The following NCAPH2 variants were observed in gnomAD, a reference collection of about 807,000 sequenced individuals.
NCAPH2 encodes the protein non-SMC condensin II complex subunit H2.
A neutral mutation model predicts 88.6 loss-of-function variants in NCAPH2; 56 were observed. That is an observed-to-expected ratio of 0.63 (90% confidence interval 0.51 to 0.79). The LOEUF (loss-of-function observed/expected upper bound fraction) is 0.79, where lower values mean the gene tolerates loss of function less well. Ranked by LOEUF, NCAPH2 falls within the 30% of genes least tolerant of loss-of-function variation. The pLI is 0.00. For missense variants in NCAPH2, 794 were observed against 792.0 expected, an observed-to-expected ratio of 1.00 and a Z score of -0.03; for synonymous variants, 378 against 313.6, an observed-to-expected ratio of 1.21 and a Z score of -2.17.
chr22:50,516,043 T>G (rs770114808), intron 1 of NCAPH2, among the ~76,000 whole-genome samples: 5 of 152,132 alleles, frequency 3.3e-5, no homozygotes, highest in Non-Finnish European at 7.4e-5. Flanking sequence ...TGTAACTGTT[T>G]CCTGAGTTCT....
Position 50,523,028 on chromosome 22 carries a change from G to T in NCAPH2, c.1539G>T (p.Val513=). The T allele has an allele frequency of 1.2e-6, 2 of 1,601,342 alleles. No homozygotes were observed. The highest frequency in any genetic ancestry group is 8.5e-7 in the Non-Finnish European group (1 of 1,171,724). ...CCTCCCCTGTGCAGGAGCAGCATGT[G>T]CCCTTTGACATCCACACCTATGGGG... ...QPLLQEQEQH[V]PFDIHTYGDQ... The change falls in exon 19 of 20, where the codon GTG becomes GTT. Residue 513 remains valine (V), a synonymous_variant. Transcript: ENST00000420993.
Position 50,508,418 on chromosome 22 carries a change from G to A in NCAPH2, c.81G>A (p.Ala27=). 6 of 1,464,654 alleles carry A rather than the reference G, an allele frequency of 4.1e-6. No individual in the cohort carries two copies. Among genetic ancestry groups the A allele is most frequent in the Non-Finnish European group, 5.4e-6 (6 of 1,108,554 alleles). 90.7% of individuals were successfully genotyped at this position (1,464,654 alleles called of 1,614,324 possible). ...CCAAGAACTGGGAGGTGGACGTGGC[G>A]GCCCAGCTGGGCGAGTATCTGGAGG... ...DLTKNWEVDV[A]AQLGEYLEEL... Residue 27 remains alanine (A), a synonymous_variant, in exon 1 of 20, where the codon GCG becomes GCA. Coordinates refer to ENST00000420993, the MANE Select transcript of NCAPH2 (RefSeq NM_152299.4).
At chr22:50,517,036 C>T (rs568469770) in intron 2 of NCAPH2, among the ~76,000 whole-genome samples, 46 of 152,252 alleles carry the variant, frequency 3.0e-4, no homozygotes, top group Non-Finnish European at 4.0e-4. Flanking sequence ...GTGATGCTGG[C>T]GGGAGCACAC....
In NCAPH2 at chr22:50,522,333, C is replaced by T. The variant is rs1398022670; in HGVS notation, c.1234-10C>T. On this transcript the variant is annotated splice_polypyrimidine_tract_variant and intron_variant, in intron 14 of 19. Transcript: ENST00000420993. The stretch of plus-strand genomic sequence containing the variant: ...TGACAGTGCCCCTCACAGATGCTTT[C>T]TCTGGACAGGTGGCTGAGCAGTGGC... 4.4e-6 allele frequency: 7 copies of T among 1,603,936 alleles called. No individual in the cohort carries two copies. The highest frequency in any genetic ancestry group is 6.0e-6 in the Non-Finnish European group (7 of 1,174,270).
chr22:50,521,258 C>T (rs1239365339), intron 10 of NCAPH2, among the ~76,000 whole-genome samples: 1 of 152,126 alleles, frequency 6.6e-6, no homozygotes, highest in Admixed American at 6.5e-5. Flanking sequence ...GGCTCTGCCC[C>T]AGGCTGTCAC....
At chr22:50,521,152 C>CT in intron 10 of NCAPH2, 116 bp downstream of exon 10, 1 of 1,213,532 alleles carries the variant, frequency 8.2e-7, no homozygotes, top group Non-Finnish European at 1.1e-6. Context: ...GCCTGTGGCC[C>CT]TTTGCACTTG....
At position 50,524,205 on chromosome 22, in the gene NCAPH2, A is replaced by G; in HGVS notation, c.*830A>G. The G allele has an allele frequency of 1.2e-6, 2 of 1,608,306 alleles. No homozygotes were observed. The highest frequency in any genetic ancestry group is 8.5e-7 in the Non-Finnish European group (1 of 1,179,882). On this transcript the variant is annotated 3_prime_UTR_variant, in exon 20 of 20. Transcript: ENST00000420993. The stretch of plus-strand genomic sequence containing the variant: ...GGGCCAGCCAGGCCCCACCGAGTCC[A>G]GCCCCGAACAGGCCTGTGATCAGCA...
chr22:50,517,206 A>G (rs987321261), intron 2 of NCAPH2, among the ~76,000 whole-genome samples: 1 of 152,236 alleles, frequency 6.6e-6, no homozygotes, highest in African/African-American at 2.4e-5. Context: ...TGGACCATAG[A>G]GGGCAGAGGA....
chr22:50,522,236 G>A lies in NCAPH2; in HGVS notation c.1218G>A (p.Lys406=). 6.2e-7 allele frequency: 1 copy of A among 1,613,828 alleles called. No individual in the cohort carries two copies. The highest frequency in any genetic ancestry group is 1.1e-5 in the South Asian group (1 of 91,020). The change falls in exon 14 of 20, where the codon AAG becomes AAA. Residue 406 remains lysine (K), a synonymous_variant. Coordinates refer to ENST00000420993, the MANE Select transcript of NCAPH2 (RefSeq NM_152299.4). ...AGGAGCAGTTGGAAACTCTCCGGAA[G>A]CTGCAGAGGAGGGAGGCAAGTCCCA... ...HVKEQLETLR[K]LQRREVAEQW...
At chr22:50,511,280 A>C (rs1263712573) in intron 1 of NCAPH2, among the ~76,000 whole-genome samples, 2 of 139,404 alleles carry the variant, frequency 1.4e-5, no homozygotes, top group Middle Eastern at 3.5e-3. Context: ...CTCCTGCCTC[A>C]GCCTCTTTTT....
chr22:50,510,513 C>T (rs571122350), intron 1 of NCAPH2, among the ~76,000 whole-genome samples: 5 of 151,370 alleles, frequency 3.3e-5, no homozygotes, highest in South Asian at 4.2e-4. Context: ...CTGCAACCTC[C>T]GACTCCCAGG....
rs553004436 is a variant in NCAPH2, at chr22:50,512,022, G to A, written c.108+3577G>A. Among the ~76,000 whole-genome samples, 309 of 152,238 alleles carry A rather than the reference G, an allele frequency of 2.0e-3. 3 individuals carry two copies. Among genetic ancestry groups the A allele is most frequent in the African/African-American group, 7.4e-3 (307 of 41,518 alleles). The stretch of plus-strand genomic sequence containing the variant: ...AGGCTGGTCTTGAACTCTTGACCTC[G>A]TGATCCGCCCACCTCATCCTTTGAA... On this transcript the variant is annotated intron_variant, in intron 1 of 19. Transcript: ENST00000420993.
Position 50,508,308 on chromosome 22 carries a change from G to A in NCAPH2, c.-30G>A. On this transcript the variant is annotated 5_prime_UTR_variant, in exon 1 of 20. Coordinates refer to ENST00000420993, the MANE Select transcript of NCAPH2 (RefSeq NM_152299.4). ...CGTACCCCTCGGAAGGCAGCCCTGC[G>A]GTCCCTTTGCCGCCCGTTCCCTCCC... 6 of 1,458,204 alleles carry A rather than the reference G, an allele frequency of 4.1e-6. No individual in the cohort carries two copies. Among genetic ancestry groups the A allele is most frequent in the Non-Finnish European group, 5.4e-6 (6 of 1,103,374 alleles). The allele number at this position is 1,458,204 out of a possible 1,614,324, so 90.3% of individuals were successfully genotyped here. A position where few individuals can be genotyped will look rare whatever the true frequency, so the allele number is the denominator to read the frequency against.
Position 50,516,567 on chromosome 22 carries a change from T to C in NCAPH2, c.210+19T>C, listed in dbSNP as rs2068929731. 1.2e-6 allele frequency: 2 copies of C among 1,611,684 alleles called. No homozygotes were observed. Among genetic ancestry groups the C allele is most frequent in the Non-Finnish European group, 1.7e-6 (2 of 1,178,014 alleles). On this transcript the variant is annotated intron_variant, in intron 2 of 19. Coordinates refer to ENST00000420993, the MANE Select transcript of NCAPH2 (RefSeq NM_152299.4). ...TAAGAAGGTGGGCCCTGCTTGACGC[T>C]GGTCTTGGCATTTTGGTGGCCAGTG... is the stretch of plus-strand genomic sequence containing the variant.
intron 14 of NCAPH2, 24 bp from the exon 15 acceptor site, chr22:50,522,319 C>A (rs1177777828): frequency 6.2e-7 from 1 of 1,603,418 alleles, no homozygotes; most frequent in Non-Finnish European, 8.5e-7. Context: ...GACAGTGCCC[C>A]TCACAGATGC....
Position 50,521,174 on chromosome 22 carries a change from A to C in NCAPH2, c.933+138A>C, listed in dbSNP as rs1473219691. ...GCCCTTTGCACTTGCTCTCTTAAAG[A>C]CCCCCTCATGCGACTCTGGGCTCCC... On this transcript the variant is annotated intron_variant, in intron 10 of 19. Transcript: ENST00000420993. The C allele has an allele frequency of 1.0e-5, 10 of 959,656 alleles. No homozygotes were observed. The East Asian group carries it at 2.4e-4, about 23-fold the overall frequency. The allele number at this position is 959,656 out of a possible 1,614,324, so 59.4% of individuals were successfully genotyped here.
In NCAPH2 at chr22:50,522,582, C is replaced by G; in HGVS notation, c.1375+13C>G. 9 of 1,613,512 alleles carry G rather than the reference C, an allele frequency of 5.6e-6. No individual in the cohort carries two copies. Among genetic ancestry groups the G allele is most frequent in the South Asian group, 1.1e-5 (1 of 91,076 alleles). ...GCCGCTGACCTTGGTAGGTGGGCAG[C>G]GGGCTAGGAGTGCTGAGGGGCCACT... is the stretch of plus-strand genomic sequence containing the variant. On this transcript the variant is annotated intron_variant, in intron 16 of 19. Transcript: ENST00000420993.
chr22:50,511,359 G>C (rs1389437938), intron 1 of NCAPH2, among the ~76,000 whole-genome samples: 2 of 132,824 alleles, frequency 1.5e-5, no homozygotes, highest in Non-Finnish European at 3.1e-5. Flanking sequence ...GTGCAATCTC[G>C]GCTCACTGCA....
intron 1 of NCAPH2, among the ~76,000 whole-genome samples, chr22:50,510,850 AT>A (rs372833039): frequency 0.047 from 6,699 of 142,498 alleles, 176 homozygotes; most frequent in Middle Eastern, 0.12. Context: ...AACCATTTAA[AT>A]TTTTTTTTTT....
Sources: allele counts gnomAD v4.1 joint callset (sites outside exome capture counted in the v4.1 genomes callset), GRCh38; gene constraint gnomAD v4.1.1; transcripts MANE v1.5; gene names NCBI Gene and HGNC (gene_info 2026-07-23, HGNC 2026-07-21).